The following RTTN variants were observed in gnomAD, a reference collection of about 807,000 sequenced individuals.
The protein encoded by RTTN is rotatin.
A neutral mutation model predicts 269.2 loss-of-function variants in RTTN; 182 were observed. The ratio of observed to expected loss-of-function variants is 0.68; its 90% confidence interval spans 0.60 to 0.76. The LOEUF (loss-of-function observed/expected upper bound fraction) is 0.76. RTTN is among the 30% of genes least tolerant of loss of function. The pLI is 0.00. For synonymous variants in RTTN, 1,006 were observed against 963.5 expected, an observed-to-expected ratio of 1.04 and a Z score of -0.82; for missense variants, 2,545 against 2,608.6, an observed-to-expected ratio of 0.98 and a Z score of 0.53.
chr18:70,131,190 C>T (rs2059989835), intron 23 of RTTN: 3 of 140,930 alleles, frequency 2.1e-5, no homozygotes, highest in Admixed American at 2.1e-4. Flanking sequence ...AATATAAGTG[C>T]ACTACATTAA....
At chr18:70,005,910 A>T (rs1469612365) in intron 47 of RTTN, 1 of 155,158 alleles carries the variant, frequency 6.4e-6, no homozygotes, top group Non-Finnish European at 1.4e-5. Flanking sequence ...GGAAGTCCAA[A>T]GGCCAGAGAA....
chr18:70,196,475 G>A lies in RTTN; in HGVS notation c.841+26C>T, dbSNP rs201108414. ...GAAGAATCTACAAATAACACCAGTG[G>A]CTAATGAACAGATAAAAATAAATAC... On this transcript the variant is annotated intron_variant, in intron 7 of 48. Coordinates refer to ENST00000640769, the MANE Select transcript of RTTN (RefSeq NM_173630.4). 1.7e-3 allele frequency: 2,718 copies of A among 1,586,346 alleles called. 35 individuals are homozygous for A. Among genetic ancestry groups the A allele is most frequent in the South Asian group, 0.012 (1,100 of 88,130 alleles).
chr18:70,059,758 C>T, intron 36 of RTTN, 92 bp downstream of exon 36: 1 of 838,882 alleles, frequency 1.2e-6, no homozygotes, highest in Non-Finnish European at 1.7e-6. Context: ...GCTGTATTTC[C>T]AGGTCACAAG....
chr18:70,005,116 C>T (rs2145425363), intron 48 of RTTN, 82 bp downstream of exon 48: 2 of 939,078 alleles, frequency 2.1e-6, no homozygotes, highest in Non-Finnish European at 3.3e-6. Context: ...TTTGCTGTGG[C>T]CTGTCCAAAT....
intron 23 of RTTN, among the ~76,000 whole-genome samples, chr18:70,134,164 T>C (rs969290868): frequency 6.6e-6 from 1 of 151,898 alleles, no homozygotes; most frequent in Non-Finnish European, 1.5e-5. Context: ...TAAATAAAAA[T>C]ATATATTAGG....
At chr18:70,204,511 C>T (rs1276865183) in intron 2 of RTTN, among the ~76,000 whole-genome samples, 10 of 152,182 alleles carry the variant, frequency 6.6e-5, no homozygotes, top group Admixed American at 6.5e-4. Flanking sequence ...TGCACATTAT[C>T]AATCCCTACT....
chr18:70,059,933 G>A lies in RTTN; in HGVS notation c.4857C>T (p.Ser1619=). 1 of 1,613,992 alleles carries A rather than the reference G, an allele frequency of 6.2e-7. No individual in the cohort carries two copies. The highest frequency in any genetic ancestry group is 8.5e-7 in the Non-Finnish European group (1 of 1,179,900). The change falls in exon 36 of 49, where the codon AGC becomes AGT. Residue 1619 remains serine (S), a synonymous_variant. Coordinates refer to ENST00000640769, the MANE Select transcript of RTTN (RefSeq NM_173630.4). ...CAATCGTCAAGAGGTTGTCCAAGAGGCTGCACATTGCTGAAAGAAGAGATG... is the reference window on the plus strand; with the variant it reads ...CAATCGTCAAGAGGTTGTCCAAGAGACTGCACATTGCTGAAAGAAGAGATG... ...VTPSLLSAMC[S]LLDNLLTIAP... is the part of the protein sequence containing the mutation.
At chr18:70,149,903 A>G in intron 16 of RTTN, 68 bp downstream of exon 16, 3 of 1,051,580 alleles carry the variant, frequency 2.9e-6, no homozygotes, top group Non-Finnish European at 3.0e-6. Flanking sequence ...AGCTGTTTGC[A>G]TGCATTTAAA....
intron 46 of RTTN, among the ~76,000 whole-genome samples, chr18:70,009,303 T>G (rs977348663): frequency 3.9e-5 from 6 of 151,980 alleles, no homozygotes; most frequent in Non-Finnish European, 7.4e-5. Flanking sequence ...ACCTGGCTAA[T>G]TTTTTTGTAT....
At chr18:70,190,033 T>A (rs2061634644) in intron 9 of RTTN, among the ~76,000 whole-genome samples, 1 of 152,176 alleles carries the variant, frequency 6.6e-6, no homozygotes, top group African/African-American at 2.4e-5. Context: ...GTTTTTAACA[T>A]GTTAAGTGGC....
intron 10 of RTTN, among the ~76,000 whole-genome samples, chr18:70,186,410 C>A (rs760475001): frequency 6.6e-6 from 1 of 152,110 alleles, no homozygotes; most frequent in African/African-American, 2.4e-5. Flanking sequence ...TCACAGTTTC[C>A]GAAAACCTAT....
At chr18:70,196,221 T>A (rs976356015) in intron 7 of RTTN, among the ~76,000 whole-genome samples, 4 of 150,926 alleles carry the variant, frequency 2.7e-5, no homozygotes, top group African/African-American at 9.8e-5. Flanking sequence ...AGTCACTACA[T>A]CCCAACAACA....
At chr18:70,108,072 T>A (rs1000991029) in intron 28 of RTTN, among the ~76,000 whole-genome samples, 1 of 151,844 alleles carries the variant, frequency 6.6e-6, no homozygotes, top group African/African-American at 2.4e-5. Context: ...AGATCAGGAG[T>A]TCGACACCAG....
At chr18:70,170,570 CTAT>C (rs2061112516) in intron 11 of RTTN, among the ~76,000 whole-genome samples, 1 of 152,178 alleles carries the variant, frequency 6.6e-6, no homozygotes, top group South Asian at 2.1e-4. Context: ...ATTACAAAAA[CTAT>C]TATTTGGTAG....
intron 30 of RTTN, 68 bp downstream of exon 30, chr18:70,092,042 C>G: frequency 1.0e-6 from 1 of 978,146 alleles, no homozygotes; most frequent in South Asian, 1.4e-5. Context: ...CATGAGCCAC[C>G]GCACCTGGCC....
chr18:70,158,627 C>T (rs1016035971), intron 14 of RTTN, among the ~76,000 whole-genome samples: 1 of 152,162 alleles, frequency 6.6e-6, no homozygotes, highest in Non-Finnish European at 1.5e-5. Flanking sequence ...GGGCTAAACA[C>T]CCCACTTAAA....
At chr18:70,171,752 A>G (rs764695630) in intron 11 of RTTN, among the ~76,000 whole-genome samples, 1 of 152,230 alleles carries the variant, frequency 6.6e-6, no homozygotes, top group Non-Finnish European at 1.5e-5. Flanking sequence ...TGTTTCCTGT[A>G]AACTAGCCAC....
chr18:70,069,591 A>G (rs1265764293), intron 34 of RTTN, among the ~76,000 whole-genome samples: 1 of 152,218 alleles, frequency 6.6e-6, no homozygotes, highest in Non-Finnish European at 1.5e-5. Context: ...TATAAGCAAA[A>G]ATGCATCAAT....
At chr18:70,101,567 TG>T (rs2145352853) in intron 28 of RTTN, among the ~76,000 whole-genome samples, 1 of 152,336 alleles carries the variant, frequency 6.6e-6, no homozygotes, top group African/African-American at 2.4e-5. Flanking sequence ...TTTTTGTGTC[TG>T]TACCTCCTTC....
Sources: allele counts gnomAD v4.1 joint callset (sites outside exome capture counted in the v4.1 genomes callset), GRCh38; gene constraint gnomAD v4.1.1; transcripts MANE v1.5; gene names NCBI Gene and HGNC (gene_info 2026-07-23, HGNC 2026-07-21).